The following CALN1 variants were observed in gnomAD, a reference collection of about 807,000 sequenced individuals.
CALN1 encodes the protein calcium-binding protein 8.
In CALN1, 17 loss-of-function variants were observed where a neutral mutation model predicts 30.6. The ratio of observed to expected loss-of-function variants is 0.56; its 90% CI spans 0.38 to 0.83. CALN1 has a LOEUF of 0.83. CALN1 is among the 40% of genes least tolerant of loss of function. The pLI is 0.00. For synonymous variants in CALN1, 156 were observed against 131.4 expected, an observed-to-expected ratio of 1.19 and a Z score of -1.28; for missense variants, 291 against 354.9, an observed-to-expected ratio of 0.82 and a Z score of 1.45.
Position 72,441,867 on chromosome 7 carries a change from C to T in CALN1, c.-226+5175G>A, listed in dbSNP as rs76435245. Among the ~76,000 whole-genome samples the T allele has an allele frequency of 2.9e-3, 440 of 152,066 alleles. 3 individuals carry two copies. Among genetic ancestry groups the T allele is most frequent in the African/African-American group, 0.01 (430 of 41,472 alleles). Reference sequence around the variant, plus strand: ...AATACCATCTGTACTCTGATGATTCCCAAGGCTGTCTCCAGCCCAAATCTC... The same window carrying T: ...AATACCATCTGTACTCTGATGATTCTCAAGGCTGTCTCCAGCCCAAATCTC... On this transcript the variant is annotated intron_variant, in intron 1 of 6. Transcript: ENST00000395276.
intron 3 of CALN1, 66 bp from the exon 4 acceptor site, chr7:72,106,360 G>C (rs1047994006): frequency 5.6e-6 from 9 of 1,593,780 alleles, no homozygotes; most frequent in Non-Finnish European, 7.7e-6. Flanking sequence ...GCAGTTATTG[G>C]TGATTGCCTA....
intron 5 of CALN1, among the ~76,000 whole-genome samples, chr7:71,831,653 A>T (rs1216617894): frequency 3.3e-5 from 5 of 151,762 alleles, no homozygotes; most frequent in Non-Finnish European, 7.4e-5. Context: ...TGGGAGGAGG[A>T]GGTGGGCGGA....
In CALN1 at chr7:72,004,527, G is replaced by A. The variant is rs545214666; in HGVS notation, c.501+19130C>T. ...ATCACAGTCCATACTGGGAAAAATC[G>A]AAAAGCTAGACCACATCAAAATTAA... On this transcript the variant is annotated intron_variant, in intron 5 of 6. Transcript: ENST00000395275. Among the ~76,000 whole-genome samples, 7 of 152,212 alleles carry A rather than the reference G, an allele frequency of 4.6e-5. No individual in the cohort carries two copies. The East Asian group carries it at 7.7e-4, about 17-fold the overall frequency.
At chr7:72,110,438 T>C (rs896144667) in intron 3 of CALN1, among the ~76,000 whole-genome samples, 1 of 152,194 alleles carries the variant, frequency 6.6e-6, no homozygotes, top group African/African-American at 2.4e-5. Context: ...CTGTAGTCTG[T>C]AGCAAGGCTG....
chr7:72,312,645 G>T (rs547939237), intron 2 of CALN1, among the ~76,000 whole-genome samples: 1 of 152,104 alleles, frequency 6.6e-6, no homozygotes, highest in East Asian at 1.9e-4. Context: ...AGAAAATTCA[G>T]AAAGGACAAG....
chr7:72,114,551 G>C (rs1026534561), intron 3 of CALN1, among the ~76,000 whole-genome samples: 5 of 152,030 alleles, frequency 3.3e-5, no homozygotes, highest in African/African-American at 1.2e-4. Context: ...GAAAATGCTG[G>C]TTTAATCCCA....
chr7:71,945,968 G>C (rs1448606346), intron 5 of CALN1, among the ~76,000 whole-genome samples: 1 of 152,250 alleles, frequency 6.6e-6, no homozygotes, highest in African/African-American at 2.4e-5. Flanking sequence ...TTAGGGCAGA[G>C]ACGACCTGGG....
intron 3 of CALN1, among the ~76,000 whole-genome samples, chr7:72,121,959 A>C (rs1208362528): frequency 6.6e-6 from 1 of 150,624 alleles, no homozygotes; most frequent in Non-Finnish European, 1.5e-5. Flanking sequence ...CTACAGAAAG[A>C]TCGACCTTTT....
intron 1 of CALN1, among the ~76,000 whole-genome samples, chr7:72,431,961 A>T (rs1033696818): frequency 2.0e-5 from 3 of 152,102 alleles, no homozygotes; most frequent in African/African-American, 4.8e-5. Flanking sequence ...CAGTCCTATT[A>T]AACTCCTTGC....
intron 3 of CALN1, among the ~76,000 whole-genome samples, chr7:72,185,251 TCTCTTTCC>T (rs1013149261): frequency 6.6e-6 from 1 of 151,946 alleles, no homozygotes; most frequent in African/African-American, 2.4e-5. Context: ...AGAGATCCAA[TCTCTTTCC>T]CATGTGCATC....
At chr7:71,932,117 G>A (rs1344300348) in intron 5 of CALN1, among the ~76,000 whole-genome samples, 2 of 152,208 alleles carry the variant, frequency 1.3e-5, no homozygotes, top group African/African-American at 4.8e-5. Context: ...GGTTGTCAGT[G>A]TGCTTTGGAG....
intron 5 of CALN1, among the ~76,000 whole-genome samples, chr7:71,930,021 T>C (rs1314922089): frequency 1.3e-5 from 2 of 152,236 alleles, no homozygotes; most frequent in African/African-American, 2.4e-5. Context: ...TGTTCCTGTA[T>C]ACTTTAAATC....
intron 2 of CALN1, among the ~76,000 whole-genome samples, chr7:72,387,637 C>A (rs1263833396): frequency 6.6e-6 from 1 of 152,202 alleles, no homozygotes; most frequent in African/African-American, 2.4e-5. Flanking sequence ...AGAAAACCGT[C>A]AGATGAATCC....
intron 3 of CALN1, among the ~76,000 whole-genome samples, chr7:72,272,978 G>C (rs1797094459): frequency 6.6e-6 from 1 of 151,930 alleles, no homozygotes; most frequent in African/African-American, 2.4e-5. Flanking sequence ...GAGAAGGAGA[G>C]AGGAAGAACA....
chr7:71,885,760 A>G (rs1792865603), intron 5 of CALN1, among the ~76,000 whole-genome samples: 1 of 152,252 alleles, frequency 6.6e-6, no homozygotes, highest in Non-Finnish European at 1.5e-5. Context: ...GACCACGAGC[A>G]GACAGATTTG....
chr7:72,327,033 CAT>C (rs1384033383), intron 2 of CALN1, among the ~76,000 whole-genome samples: 4 of 152,248 alleles, frequency 2.6e-5, no homozygotes, highest in African/African-American at 4.8e-5. Context: ...TGCTGAATCA[CAT>C]GAGACTCCAA....
intron 3 of CALN1, among the ~76,000 whole-genome samples, chr7:72,156,843 C>A (rs1377560590): frequency 3.3e-5 from 5 of 152,182 alleles, no homozygotes; most frequent in Non-Finnish European, 7.3e-5. Flanking sequence ...AATATCACAA[C>A]CCCACCTGCA....
intron 1 of CALN1, among the ~76,000 whole-genome samples, chr7:72,444,663 C>T (rs1294592834): frequency 6.6e-6 from 1 of 152,112 alleles, no homozygotes; most frequent in African/African-American, 2.4e-5. Context: ...TTAAACAGTC[C>T]AATCCTTTGT....
At chr7:72,399,490 C>T (rs1399298373) in intron 2 of CALN1, among the ~76,000 whole-genome samples, 1 of 151,876 alleles carries the variant, frequency 6.6e-6, no homozygotes, top group Non-Finnish European at 1.5e-5. Flanking sequence ...AAGATGGTCT[C>T]GATCTCTTGA....
Sources: gnomAD v4.1 joint callset for allele counts (sites outside exome capture counted in the v4.1 genomes callset) on GRCh38, gnomAD v4.1.1 for gene constraint, MANE v1.5 for transcripts, NCBI Gene and HGNC (gene_info 2026-07-23, HGNC 2026-07-21) for gene names.